The following LRRTM4 variants were observed in gnomAD, a reference collection of about 807,000 sequenced individuals.
The protein encoded by LRRTM4 is leucine-rich repeat transmembrane neuronal protein 4.
A neutral mutation model predicts 47.6 loss-of-function variants in LRRTM4; 25 were observed. The observed-to-expected ratio is 0.53, with a 90% CI of 0.38 to 0.73. LRRTM4 has a LOEUF of 0.73. Among genes scored for constraint, LRRTM4 ranks in the 30% least tolerant of loss-of-function variants. The pLI, the probability that LRRTM4 is intolerant of heterozygous loss-of-function variation, is 0.00. For synonymous variants in LRRTM4, 311 were observed against 269.5 expected, an observed-to-expected ratio of 1.15 and a Z score of -1.51; for missense variants, 638 against 713.4, an observed-to-expected ratio of 0.89 and a Z score of 1.20.
At chr2:77,308,864 G>A (rs569076478) in intron 3 of LRRTM4, among the ~76,000 whole-genome samples, 3 of 151,804 alleles carry the variant, frequency 2.0e-5, no homozygotes, top group Non-Finnish European at 4.4e-5. Flanking sequence ...GGGGGTTGGG[G>A]TCGGTTAAGC....
intron 3 of LRRTM4, among the ~76,000 whole-genome samples, chr2:77,104,647 G>A (rs1247844124): frequency 2.0e-5 from 3 of 152,230 alleles, no homozygotes; most frequent in Admixed American, 6.5e-5. Flanking sequence ...CACAAGATCC[G>A]ACAGACCTGA....
At chr2:76,889,397 GA>G (rs1380925446) in intron 3 of LRRTM4, among the ~76,000 whole-genome samples, 1 of 151,906 alleles carries the variant, frequency 6.6e-6, no homozygotes, top group Non-Finnish European at 1.5e-5. Flanking sequence ...AAACAAATGA[GA>G]AGAGTTCTTT....
At chr2:77,172,759 T>C (rs1673085691) in intron 3 of LRRTM4, among the ~76,000 whole-genome samples, 1 of 152,178 alleles carries the variant, frequency 6.6e-6, no homozygotes, top group Non-Finnish European at 1.5e-5. Flanking sequence ...GCGTGACAAA[T>C]ATCTGTGTGA....
At chr2:76,829,568 T>A (rs1437559392) in intron 3 of LRRTM4, among the ~76,000 whole-genome samples, 1 of 151,998 alleles carries the variant, frequency 6.6e-6, no homozygotes, top group Non-Finnish European at 1.5e-5. Flanking sequence ...CCTCACTCTC[T>A]GTAATAACAT....
At chr2:77,008,772 T>C (rs566052186) in intron 3 of LRRTM4, among the ~76,000 whole-genome samples, 101 of 152,180 alleles carry the variant, frequency 6.6e-4, no homozygotes, top group African/African-American at 2.2e-3. Context: ...TTTTTATAAT[T>C]GTTTTCTAGG....
chr2:76,904,790 A>G (rs1673766098), intron 3 of LRRTM4, among the ~76,000 whole-genome samples: 1 of 152,198 alleles, frequency 6.6e-6, no homozygotes, highest in African/African-American at 2.4e-5. Flanking sequence ...AAGGGGAGGT[A>G]TAATATATAA....
intron 3 of LRRTM4, among the ~76,000 whole-genome samples, chr2:77,189,650 C>T (rs369615734): frequency 2.0e-5 from 3 of 152,104 alleles, no homozygotes; most frequent in African/African-American, 7.2e-5. Context: ...CTTACACTTC[C>T]AGTCTTCAGA....
At position 77,260,905 on chromosome 2, in the gene LRRTM4, G is replaced by A. The variant is rs556352268; in HGVS notation, c.1551+257413C>T. On this transcript the variant is annotated intron_variant, in intron 3 of 3. Coordinates refer to ENST00000409884, the MANE Select transcript of LRRTM4 (RefSeq NM_001134745.3). Reference sequence around the variant, plus strand: ...TAATGATTCCAGGAGATGAACCATAGGATAACTTGTGCTAAGGCAATAACT... The same window carrying A: ...TAATGATTCCAGGAGATGAACCATAAGATAACTTGTGCTAAGGCAATAACT... 2.2e-4 allele frequency among the ~76,000 whole-genome samples: 33 copies of A among 152,210 alleles called. No individual in the cohort carries two copies. The South Asian group carries it at 4.3e-3, about 20-fold the overall frequency.
chr2:77,261,413 C>T (rs1015804852), intron 3 of LRRTM4, among the ~76,000 whole-genome samples: 2 of 152,094 alleles, frequency 1.3e-5, no homozygotes, highest in African/African-American at 2.4e-5. Context: ...TCCATGATAT[C>T]TTTTCTCATC....
Position 76,900,838 on chromosome 2 carries a change from T to C in LRRTM4, c.1552-151922A>G, listed in dbSNP as rs1673599844. On this transcript the variant is annotated intron_variant, in intron 3 of 3. Transcript: ENST00000409884. ...AATATGCTAAGTAAAAACAGTGCAA[T>C]TCTGAGTCCTCTGACATTTAATTAA... is the stretch of plus-strand genomic sequence containing the variant. 3.3e-5 allele frequency among the ~76,000 whole-genome samples: 5 copies of C among 152,282 alleles called. No homozygotes were observed. The South Asian group carries it at 1.0e-3, about 32-fold the overall frequency.
intron 2 of LRRTM4, among the ~76,000 whole-genome samples, chr2:77,520,801 C>A (rs1006804019): frequency 1.3e-5 from 2 of 151,822 alleles, no homozygotes; most frequent in Admixed American, 6.6e-5. Context: ...CTTCAGAAAG[C>A]CTGCAAAGTT....
rs1553412588 is a variant in LRRTM4, at chr2:76,807,413, T to TATACACACACACAC, written c.1552-58498_1552-58497insGTGTGTGTGTGTAT. On this transcript the variant is annotated intron_variant, in intron 3 of 3. Coordinates refer to ENST00000409884, the MANE Select transcript of LRRTM4 (RefSeq NM_001134745.3). The stretch of plus-strand genomic sequence containing the variant: ...ATATATATATATGTATATACGTATA[T>TATACACACACACAC]ATATATATATACATATATATATACG... Among the ~76,000 whole-genome samples, 295 of 95,006 alleles carry TATACACACACACAC rather than the reference T, an allele frequency of 3.1e-3. 3 individuals are homozygous for TATACACACACACAC. The highest frequency in any genetic ancestry group is 0.014 in the African/African-American group (287 of 21,232). 62.3% of individuals were successfully genotyped at this position (95,006 alleles called of 152,430 possible).
chr2:77,287,317 A>G (rs910729122), intron 3 of LRRTM4, among the ~76,000 whole-genome samples: 7 of 152,082 alleles, frequency 4.6e-5, no homozygotes, highest in African/African-American at 1.4e-4. Flanking sequence ...CAGTCCTAAA[A>G]CAACAGGAAT....
At chr2:77,421,835 G>C (rs10176631) in intron 3 of LRRTM4, among the ~76,000 whole-genome samples, 93,306 of 152,076 alleles carry the variant, frequency 0.61, 29,101 homozygotes, top group African/African-American at 0.73. Flanking sequence ...TTGAGATAAC[G>C]ATATACAATC....
chr2:76,859,359 C>A (rs750277130), intron 3 of LRRTM4, among the ~76,000 whole-genome samples: 2 of 151,874 alleles, frequency 1.3e-5, no homozygotes, highest in Non-Finnish European at 2.9e-5. Flanking sequence ...TTGAGAAATA[C>A]AGTGTATGAT....
chr2:76,760,964 G>A (rs1450661466), intron 3 of LRRTM4, among the ~76,000 whole-genome samples: 1 of 152,188 alleles, frequency 6.6e-6, no homozygotes, highest in East Asian at 1.9e-4. Flanking sequence ...AATCTGTAGT[G>A]ATTTTAAAAA....
At chr2:77,513,307 C>G (rs1017215780) in intron 3 of LRRTM4, among the ~76,000 whole-genome samples, 1 of 152,110 alleles carries the variant, frequency 6.6e-6, no homozygotes, top group Non-Finnish European at 1.5e-5. Context: ...TTTTTCTCCA[C>G]AGCTCATCCT....
At chr2:76,939,952 G>A (rs917781806) in intron 3 of LRRTM4, among the ~76,000 whole-genome samples, 1 of 152,010 alleles carries the variant, frequency 6.6e-6, no homozygotes, top group Non-Finnish European at 1.5e-5. Context: ...CCAAGAAGGG[G>A]TTGGTTCAAA....
chr2:77,090,145 C>T (rs1487324596), intron 3 of LRRTM4, among the ~76,000 whole-genome samples: 1 of 152,182 alleles, frequency 6.6e-6, no homozygotes, highest in African/African-American at 2.4e-5. Flanking sequence ...CCCCTCCTCA[C>T]ACCTGGTCTG....
Sources: allele counts gnomAD v4.1 joint callset (sites outside exome capture counted in the v4.1 genomes callset), GRCh38; gene constraint gnomAD v4.1.1; transcripts MANE v1.5; gene names NCBI Gene and HGNC (gene_info 2026-07-23, HGNC 2026-07-21).